The following SETD1B variants were observed in gnomAD, a reference collection of about 807,000 sequenced individuals.
SETD1B encodes histone-lysine N-methyltransferase SETD1B.
In SETD1B, 7 loss-of-function variants were observed where a neutral mutation model predicts 148.0. The observed-to-expected ratio is 0.05, with a 90% CI of 0.03 to 0.09. The LOEUF (loss-of-function observed/expected upper bound fraction) is 0.09, where lower values mean the gene tolerates loss of function less well. SETD1B is among the 10% of genes least tolerant of loss of function. The probability of loss-of-function intolerance (pLI) is 1.00; values close to 1 mark genes in which losing one functional copy is unlikely to be tolerated. For synonymous variants in SETD1B, 1,361 were observed against 1,186.5 expected, an observed-to-expected ratio of 1.15 and a Z score of -3.02; for missense variants, 2,155 against 2,729.9, an observed-to-expected ratio of 0.79 and a Z score of 4.69.
Position 121,814,687 on chromosome 12 carries a change from C to T in SETD1B, c.2472C>T (p.Ser824=). The change falls in exon 7 of 17, where the codon AGC becomes AGT. Residue 824 remains serine (S), a synonymous_variant. Coordinates refer to ENST00000604567, the MANE Select transcript of SETD1B (RefSeq NM_001353345.2). The part of the protein sequence containing the change: ...LPPYRGPFSL[S]NSGPGRGQHW... Reference sequence around the variant, plus strand: ...CCTACCGGGGCCCCTTCTCCCTGAGCAACTCCGGCCCAGGCCGCGGGCAGC... The same window carrying T: ...CCTACCGGGGCCCCTTCTCCCTGAGTAACTCCGGCCCAGGCCGCGGGCAGC... 3 of 1,550,350 alleles carry T rather than the reference C, an allele frequency of 1.9e-6. No individual in the cohort carries two copies. The highest frequency in any genetic ancestry group is 2.6e-6 in the Non-Finnish European group (3 of 1,146,908).
In SETD1B at chr12:121,822,802, TCTC is replaced by T. The variant is rs1446173237; in HGVS notation, c.4226_4228del (p.Ser1409del). On this transcript the variant is annotated inframe_deletion, in exon 12 of 17. Coordinates refer to ENST00000604567, the MANE Select transcript of SETD1B (RefSeq NM_001353345.2). ...TCTCCGCAAGTGCCCGGCAGCCCCT[TCTC>T]CTACCCAGCCCCGTCCCCTAGCTTG... 15 of 1,510,084 alleles carry T rather than the reference TCTC, an allele frequency of 9.9e-6. No individual in the cohort carries two copies. Among genetic ancestry groups the T allele is most frequent in the Admixed American group, 2.1e-5 (1 of 46,686 alleles). The allele number at this position is 1,510,084 out of a possible 1,614,324, so 93.5% of individuals were successfully genotyped here.
rs1406234926 is a variant in SETD1B, at chr12:121,817,437, G to A, written c.3045G>A (p.Lys1015=). 1.9e-6 allele frequency: 3 copies of A among 1,545,668 alleles called. No homozygotes were observed. The highest frequency in any genetic ancestry group is 2.6e-6 in the Non-Finnish European group (3 of 1,142,860). ...GTGAGCTCGCCAAGCGGGACCCCAA[G>A]GGCGTGGGTGTGCGGCGGCGGCCGG... The part of the protein sequence containing the change: ...TPCELAKRDP[K]GVGVRRRPAR... The change falls in exon 9 of 17, where the codon AAG becomes AAA. Residue 1015 remains lysine, a synonymous_variant. Transcript: ENST00000604567. The surrounding 1 kb of genome is among the most constrained non-coding windows in gnomAD (Gnocchi z 8.1).
rs1336386285 is a variant in SETD1B, at chr12:121,805,624, G to T, written c.274-211G>T. Among the ~76,000 whole-genome samples, 2 of 151,198 alleles carry T rather than the reference G, an allele frequency of 1.3e-5. No homozygotes were observed. Among genetic ancestry groups the T allele is most frequent in the African/African-American group, 4.9e-5 (2 of 41,032 alleles). The stretch of plus-strand genomic sequence containing the variant: ...CCTTCCGAACCCAGAGGACTTCCAC[G>T]TTCCAAACGATTTAATCCTCCGCTT... On this transcript the variant is annotated intron_variant, in intron 3 of 16. Coordinates refer to ENST00000604567, the MANE Select transcript of SETD1B (RefSeq NM_001353345.2). This position sits in a 1 kb window ranked among gnomAD's most constrained non-coding sequence, Gnocchi z 4.2.
At chr12:121,824,554 G>A (rs558004224) in intron 12 of SETD1B, among the ~76,000 whole-genome samples, 2 of 152,270 alleles carry the variant, frequency 1.3e-5, no homozygotes, top group Non-Finnish European at 2.9e-5. Flanking sequence ...GGCTGAGGCA[G>A]GAGAATTGCT....
At chr12:121,801,027 TGGGAGGAGGAGCGAGCGCGGCC>T (rs1309776588), upstream of SETD1B, 1 of 152,054 alleles carries the variant, frequency 6.6e-6, no homozygotes, top group Non-Finnish European at 1.5e-5. Flanking sequence ...AACTGGTGTT[TGGGAGGAGGAGCGAGCGCGGCC>T]GGGAGGACAG....
the SETD1B span, among the ~76,000 whole-genome samples, chr12:121,792,073 A>G: frequency 0.73 from 111,297 of 152,134 alleles, 42,383 homozygotes; most frequent in East Asian, 0.95. Flanking sequence ...CTCAGAGGCC[A>G]CGATAGGACC....
Position 121,808,078 on chromosome 12 carries a change from C to T in SETD1B, c.545-130C>T, listed in dbSNP as rs1875836321. 3.1e-6 allele frequency: 2 copies of T among 654,790 alleles called. No homozygotes were observed. Among genetic ancestry groups the T allele is most frequent in the Non-Finnish European group, 5.3e-6 (2 of 374,834 alleles). The allele number at this position is 654,790 out of a possible 1,614,324, so 40.6% of individuals were successfully genotyped here. A position where few individuals can be genotyped will look rare whatever the true frequency, so the allele number is the denominator to read the frequency against. On this transcript the variant is annotated intron_variant, in intron 4 of 16. Transcript: ENST00000604567. The surrounding 1 kb of genome is among the most constrained non-coding windows in gnomAD (Gnocchi z 5.3). ...GTGCAGAGGGGTGGGAACTCAGGGC[C>T]ACACAGCCTCCCTAGGACTGGGGTC...
At position 121,804,988 on chromosome 12, in the gene SETD1B, C is replaced by G; in HGVS notation, c.174+77C>G. On this transcript the variant is annotated intron_variant, in intron 2 of 16. Coordinates refer to ENST00000604567, the MANE Select transcript of SETD1B (RefSeq NM_001353345.2). This position sits in a 1 kb window ranked among gnomAD's most constrained non-coding sequence, Gnocchi z 4.6. ...ACGCGCCTAGCGGCCAGGGACCCCC[C>G]GCCCGATCCCCCGGCCAACTGTCAG... 1 of 1,459,464 alleles carries G rather than the reference C, an allele frequency of 6.9e-7. No individual in the cohort carries two copies. Among genetic ancestry groups the G allele is most frequent in the Non-Finnish European group, 9.2e-7 (1 of 1,089,024 alleles). The allele number at this position is 1,459,464 out of a possible 1,614,324, so 90.4% of individuals were successfully genotyped here. A position where few individuals can be genotyped will look rare whatever the true frequency, so the allele number is the denominator to read the frequency against.
chr12:121,798,168 C>T, the SETD1B span, among the ~76,000 whole-genome samples: 3 of 152,246 alleles, frequency 2.0e-5, no homozygotes, highest in Non-Finnish European at 4.4e-5. Flanking sequence ...GAACCCCATC[C>T]TGGCTCTATT....
intron 16 of SETD1B, among the ~76,000 whole-genome samples, chr12:121,828,870 C>T (rs1030519442): frequency 2.0e-5 from 3 of 152,238 alleles, no homozygotes; most frequent in Non-Finnish European, 2.9e-5. Context: ...GAGTGCTGGC[C>T]AGGCCAGTCC....
At chr12:121,801,060 C>G (rs909148030), upstream of SETD1B, 2 of 152,026 alleles carry the variant, frequency 1.3e-5, no homozygotes, top group African/African-American at 2.4e-5. Context: ...GGGAGGACAG[C>G]AGCTCCGGGC....
At chr12:121,812,704 G>A (rs1005790695) in intron 6 of SETD1B, among the ~76,000 whole-genome samples, 3 of 152,070 alleles carry the variant, frequency 2.0e-5, no homozygotes, top group African/African-American at 7.2e-5. Context: ...GGATCCACCC[G>A]AGCCCGTCTG....
Position 121,814,965 on chromosome 12 carries a change from TGTGGAGGGGGGCA to T in SETD1B, c.2715+37_2715+49del, listed in dbSNP as rs527682581. 1,411 of 1,501,228 alleles carry T rather than the reference TGTGGAGGGGGGCA, an allele frequency of 9.4e-4. 14 individuals are homozygous for T. In the African/African-American group the frequency reaches 0.017, roughly 19 times the overall value. 93.0% of individuals were successfully genotyped at this position (1,501,228 alleles called of 1,614,324 possible). On this transcript the variant is annotated intron_variant, in intron 7 of 16. Transcript: ENST00000604567. ...TGGGTGCAGGGCTCTGCAGGGTGGC[TGTGGAGGGGGGCA>T]GGTCCCCAGCCGGGCACCTCCTCTT...
At position 121,817,795 on chromosome 12, in the gene SETD1B, C is replaced by T. The variant is rs1158691233; in HGVS notation, c.3313-4C>T. The T allele has an allele frequency of 6.5e-7, 1 of 1,548,660 alleles. No individual in the cohort carries two copies. Among genetic ancestry groups the T allele is most frequent in the South Asian group, 1.2e-5 (1 of 83,632 alleles). On this transcript the variant is annotated splice_polypyrimidine_tract_variant and splice_region_variant and intron_variant, in intron 9 of 16. Transcript: ENST00000604567. This position sits in a 1 kb window ranked among gnomAD's most constrained non-coding sequence, Gnocchi z 8.1. Reference sequence around the variant, plus strand: ...ACCTGTCCCCACTCTTCCTTCTCCCCCAGGATGACGACGATGACGACAGTG... The same window carrying T: ...ACCTGTCCCCACTCTTCCTTCTCCCTCAGGATGACGACGATGACGACAGTG...
In SETD1B at chr12:121,812,072, GAGGGT is replaced by G. The variant is rs1360653687; in HGVS notation, c.1890+1238_1890+1242del. Among the ~76,000 whole-genome samples the G allele has an allele frequency of 1.9e-3, 295 of 152,248 alleles. 3 individuals carry two copies. Among genetic ancestry groups the G allele is most frequent in the Admixed American group, 0.018 (273 of 15,310 alleles). On this transcript the variant is annotated intron_variant, in intron 6 of 16. Transcript: ENST00000604567. Reference sequence around the variant, plus strand: ...AAAGGCAGGCTGAGGCCCCGGGAGCGAGGGTCTGGGACTGCCCGGCCGCCAGCGCA... The same window carrying G: ...AAAGGCAGGCTGAGGCCCCGGGAGCGCTGGGACTGCCCGGCCGCCAGCGCA...
chr12:121,801,144 G>A (rs1322546958), upstream of SETD1B: 1 of 152,240 alleles, frequency 6.6e-6, no homozygotes, highest in Admixed American at 6.5e-5. Context: ...TGCCAGCGCA[G>A]GCGCGCCCCG....
rs754727911 is a variant in SETD1B at position 121,827,752 on chromosome 12, C to T, written c.5487C>T (p.Leu1829=). The T allele has an allele frequency of 4.6e-5, 72 of 1,552,084 alleles. No individual in the cohort carries two copies. Among genetic ancestry groups the T allele is most frequent in the Admixed American group, 1.2e-4 (6 of 51,024 alleles). Residue 1829 remains leucine, a synonymous_variant, in exon 15 of 17, where the codon CTC becomes CTT. Transcript: ENST00000604567. ...TCCCACAGTTCCGGAAGAAAAAGCT[C>T]AAGTTCTGCAAGAGCCACATTCACG... ...FNQLKFRKKK[L]KFCKSHIHDW... is the part of the protein sequence containing the mutation.
At chr12:121,829,455 C>T (rs767143035) in intron 16 of SETD1B, among the ~76,000 whole-genome samples, 9 of 152,174 alleles carry the variant, frequency 5.9e-5, no homozygotes, top group African/African-American at 1.4e-4. Context: ...TGTGGTGCAG[C>T]GGCTGCCCAG....
At position 121,817,470 on chromosome 12, in the gene SETD1B, T is replaced by G; in HGVS notation, c.3078T>G (p.Pro1026=). The part of the protein sequence containing the change: ...GVGVRRRPAR[P]LELDSGGEED... ...GTGTGCGGCGGCGGCCGGCGCGGCCTCTGGAGCTGGACAGTGGTGGGGAGG... is the reference window on the plus strand; with the variant it reads ...GTGTGCGGCGGCGGCCGGCGCGGCCGCTGGAGCTGGACAGTGGTGGGGAGG... Residue 1026 remains proline, a synonymous_variant, in exon 9 of 17, where the codon CCT becomes CCG. Transcript: ENST00000604567. The surrounding 1 kb of genome is among the most constrained non-coding windows in gnomAD (Gnocchi z 8.1). 1 of 1,549,224 alleles carries G rather than the reference T, an allele frequency of 6.5e-7. No individual in the cohort carries two copies. Among genetic ancestry groups the G allele is most frequent in the Non-Finnish European group, 8.7e-7 (1 of 1,145,286 alleles).
Sources: gnomAD v4.1 joint callset for allele counts (sites outside exome capture counted in the v4.1 genomes callset) on GRCh38, gnomAD v4.1.1 for gene constraint, Gnocchi (gnomAD v3.1) non-coding constraint, MANE v1.5 for transcripts, NCBI Gene and HGNC (gene_info 2026-07-23, HGNC 2026-07-21) for gene names.